Variants in FKBP1A observed in about 807,000 individuals in gnomAD.
FKBP1A encodes peptidyl-prolyl cis-trans isomerase FKBP1A.
Under a neutral mutation model 14.2 loss-of-function variants are expected in FKBP1A, and 5 were observed. The observed-to-expected ratio is 0.35, with a 90% confidence interval of 0.18 to 0.74. The LOEUF is 0.74. FKBP1A is among the 30% of genes least tolerant of loss of function. The pLI is 0.56. For synonymous variants in FKBP1A, 42 were observed against 49.1 expected (o/e 0.86, Z 0.60); for missense variants, 53 against 138.8 (o/e 0.38, Z 3.10).
intron 2 of FKBP1A, among the ~76,000 whole-genome samples, chr20:1,380,850 A>G (rs903689359): frequency 4.6e-5 from 7 of 152,238 alleles, no homozygotes; most frequent in African/African-American, 9.6e-5. Context: ...TAAGACTCCA[A>G]CTTTCAGAGA....
intron 2 of FKBP1A, among the ~76,000 whole-genome samples, chr20:1,387,451 G>C (rs2089679279): frequency 6.6e-6 from 1 of 152,114 alleles, no homozygotes; most frequent in Admixed American, 6.5e-5. Flanking sequence ...AAAAATTTCA[G>C]CCCACAGTAC....
At chr20:1,384,735 G>A (rs2089651993) in intron 2 of FKBP1A, among the ~76,000 whole-genome samples, 1 of 152,124 alleles carries the variant, frequency 6.6e-6, no homozygotes, top group Admixed American at 6.5e-5. Flanking sequence ...TCCCTGAAGT[G>A]GGGTTCTGAG....
At chr20:1,378,212 T>G (rs1284779309) in intron 2 of FKBP1A, 2 of 152,230 alleles carry the variant, frequency 1.3e-5, no homozygotes, top group Non-Finnish European at 2.9e-5. Flanking sequence ...AGTCACCCTG[T>G]GACTATCAGA....
In FKBP1A at chr20:1,386,254, T is replaced by C. The variant is rs2089668140; in HGVS notation, c.85+6580A>G. On this transcript the variant is annotated intron_variant, in intron 2 of 4. Transcript: ENST00000400137. The surrounding 1 kb of genome is among the most constrained non-coding windows in gnomAD (Gnocchi z 4.7). ...AGAAGTTCTAGCCTATAGGTGTAGG[T>C]TGCCTGAGGTACTTTCATTGTAACT... 6.6e-6 allele frequency among the ~76,000 whole-genome samples: 1 copy of C among 152,206 alleles called. No individual in the cohort carries two copies. The highest frequency in any genetic ancestry group is 2.4e-5 in the African/African-American group (1 of 41,442).
rs1488648202 is a variant in FKBP1A at position 1,392,917 on chromosome 20, G to A, written c.38-36C>T. On this transcript the variant is annotated intron_variant, in intron 1 of 4. Transcript: ENST00000400137. ...AGAGACGGGCATGCTGAGCCGATGCGCGCGGCGGCAGAGGTACTCCGAGCC... is the reference window on the plus strand; with the variant it reads ...AGAGACGGGCATGCTGAGCCGATGCACGCGGCGGCAGAGGTACTCCGAGCC... 1.2e-5 allele frequency: 19 copies of A among 1,532,004 alleles called. No homozygotes were observed. In the East Asian group the frequency reaches 4.5e-4, roughly 37 times the overall value. The allele number at this position is 1,532,004 out of a possible 1,614,324, so 94.9% of individuals were successfully genotyped here. A position where few individuals can be genotyped will look rare whatever the true frequency, so the allele number is the denominator to read the frequency against.
chr20:1,371,036 G>A (rs900418243), intron 4 of FKBP1A: 20 of 985,322 alleles, frequency 2.0e-5, no homozygotes, highest in Non-Finnish European at 2.4e-5. Flanking sequence ...GTGCACAACA[G>A]GACCAGGTTA....
chr20:1,375,295 G>C, intron 3 of FKBP1A, 196 bp downstream of exon 3: 4 of 597,918 alleles, frequency 6.7e-6, no homozygotes. Flanking sequence ...AAAAAGTTAT[G>C]TTTTTATATG....
chr20:1,386,620 A>G lies in FKBP1A; in HGVS notation c.85+6214T>C, dbSNP rs2089671782. Among the ~76,000 whole-genome samples the G allele has an allele frequency of 6.6e-6, 1 of 152,254 alleles. No homozygotes were observed. The highest frequency in any genetic ancestry group is 2.4e-5 in the African/African-American group (1 of 41,472). ...AAGTGTTACTTAAGCTGTGCTATAA[A>G]GAAAAGAGCCTGTCATGCAGTGGGG... On this transcript the variant is annotated intron_variant, in intron 2 of 4. Coordinates refer to ENST00000400137, the MANE Select transcript of FKBP1A (RefSeq NM_000801.5). The surrounding 1 kb of genome is among the most constrained non-coding windows in gnomAD (Gnocchi z 4.7).
chr20:1,376,239 A>G (rs996444064), intron 2 of FKBP1A, among the ~76,000 whole-genome samples: 4 of 152,232 alleles, frequency 2.6e-5, no homozygotes, highest in African/African-American at 9.6e-5. Context: ...TCTAGTGCCA[A>G]GTGTCTCACA....
chr20:1,388,334 A>C (rs2089691845), intron 2 of FKBP1A, among the ~76,000 whole-genome samples: 1 of 152,218 alleles, frequency 6.6e-6, no homozygotes, highest in African/African-American at 2.4e-5. Context: ...GTTATTAAGA[A>C]AAAAACAGCG....
At chr20:1,380,215 A>G (rs1022252477) in intron 2 of FKBP1A, among the ~76,000 whole-genome samples, 1 of 152,124 alleles carries the variant, frequency 6.6e-6, no homozygotes, top group African/African-American at 2.4e-5. Flanking sequence ...GGGCAGCCCT[A>G]TATCCTTGGG....
At chr20:1,375,920 C>T (rs768471903) in intron 2 of FKBP1A, among the ~76,000 whole-genome samples, 1 of 152,160 alleles carries the variant, frequency 6.6e-6, no homozygotes, top group African/African-American at 2.4e-5. Flanking sequence ...TCTCCCAGCA[C>T]CCCGTGGATT....
intron 4 of FKBP1A, 132 bp from the exon 5 acceptor site, chr20:1,370,204 C>A: frequency 7.1e-7 from 1 of 1,411,770 alleles, no homozygotes; most frequent in South Asian, 1.6e-5. Flanking sequence ...CAAGCCACTT[C>A]TGTTCCAGCT....
intron 2 of FKBP1A, among the ~76,000 whole-genome samples, chr20:1,390,708 C>T (rs187343094): frequency 1.5e-3 from 231 of 152,286 alleles, no homozygotes; most frequent in Non-Finnish European, 2.4e-3. Flanking sequence ...CACGCCCCCA[C>T]AGGTCTCAAA....
At position 1,370,033 on chromosome 20, in the gene FKBP1A, G is replaced by A. The variant is rs1187951436; in HGVS notation, c.*76C>T. 8 of 1,550,112 alleles carry A rather than the reference G, an allele frequency of 5.2e-6. No individual in the cohort carries two copies. The highest frequency in any genetic ancestry group is 7.0e-6 in the Non-Finnish European group (8 of 1,146,892). Reference sequence around the variant, plus strand: ...CAGGAAAAGCTCCATATGGATTCATGTGCACATGTCTGGAGGCACCAGATC... The same window carrying A: ...CAGGAAAAGCTCCATATGGATTCATATGCACATGTCTGGAGGCACCAGATC... On this transcript the variant is annotated 3_prime_UTR_variant, in exon 5 of 5. Transcript: ENST00000400137.
Position 1,369,993 on chromosome 20 carries a change from A to G in FKBP1A, c.*116T>C, listed in dbSNP as rs1310054649. 1.9e-6 allele frequency: 3 copies of G among 1,548,376 alleles called. No individual in the cohort carries two copies. The highest frequency in any genetic ancestry group is 2.6e-6 in the Non-Finnish European group (3 of 1,145,800). ...TCAGTCAGGGCAGATGTCTATACAA[A>G]GTGGAGTGGAACATCAGGAAAAGCT... is the stretch of plus-strand genomic sequence containing the variant. On this transcript the variant is annotated 3_prime_UTR_variant, in exon 5 of 5. Transcript: ENST00000400137.
intron 3 of FKBP1A, chr20:1,374,539 T>A: frequency 6.6e-6 from 1 of 152,180 alleles, no homozygotes. Context: ...GATTGCACCT[T>A]TATAGCCTGG....
At chr20:1,392,588 C>T (rs1172633272) in intron 2 of FKBP1A, among the ~76,000 whole-genome samples, 1 of 152,142 alleles carries the variant, frequency 6.6e-6, no homozygotes, top group African/African-American at 2.4e-5. Context: ...TGCAGAAATG[C>T]TTCTGACGGG....
At chr20:1,375,651 A>C in intron 2 of FKBP1A, 48 bp from the exon 3 acceptor site, 1 of 1,342,812 alleles carries the variant, frequency 7.4e-7, no homozygotes, top group Non-Finnish European at 1.1e-6. Context: ...ATGACACAAG[A>C]CAAGTCAGAA....
Sources: gnomAD v4.1 joint callset for allele counts (sites outside exome capture counted in the v4.1 genomes callset) on GRCh38, gnomAD v4.1.1 for gene constraint, Gnocchi (gnomAD v3.1) non-coding constraint, MANE v1.5 for transcripts, NCBI Gene and HGNC (gene_info 2026-07-23, HGNC 2026-07-21) for gene names.